XIRP2: variants seen among roughly 807,000 people sequenced by gnomAD.
The protein encoded by XIRP2 is xin actin binding repeat containing 2.
Under a neutral mutation model 277.0 loss-of-function variants are expected in XIRP2, and 236 were observed. The observed-to-expected ratio is 0.85, with a 90% confidence interval of 0.77 to 0.95. XIRP2 has a LOEUF of 0.95. XIRP2 is among the 40% of genes least tolerant of loss of function. XIRP2 has a pLI of 0.00. For missense variants in XIRP2, 4,640 were observed against 4,157.5 expected, an observed-to-expected ratio of 1.12 and a Z score of -3.19; for synonymous variants, 1,490 against 1,416.5, an observed-to-expected ratio of 1.05 and a Z score of -1.17.
chr2:167,241,346 T>C (rs924351559), intron 7 of XIRP2, among the ~76,000 whole-genome samples: 3 of 152,232 alleles, frequency 2.0e-5, no homozygotes, highest in Non-Finnish European at 4.4e-5. Context: ...ATTCCTTTTC[T>C]TGTTTTATAC....
chr2:166,984,629 A>C (rs1194038633), intron 2 of XIRP2, among the ~76,000 whole-genome samples: 3 of 152,236 alleles, frequency 2.0e-5, no homozygotes, highest in Non-Finnish European at 4.4e-5. Context: ...ATGTTTTAGA[A>C]GTGCTGTATC....
At chr2:166,975,880 G>A (rs1373941558) in intron 2 of XIRP2, among the ~76,000 whole-genome samples, 4 of 126,026 alleles carry the variant, frequency 3.2e-5, no homozygotes, top group South Asian at 2.7e-4. Flanking sequence ...GCAGTGAGCC[G>A]AGATCGTGCT....
At position 166,967,459 on chromosome 2, in the gene XIRP2, G is replaced by A. The variant is rs1261205598; in HGVS notation, c.408+63569G>A. On this transcript the variant is annotated intron_variant, in intron 2 of 10. Transcript: ENST00000409195. The stretch of plus-strand genomic sequence containing the variant: ...CCATATGTAAATAGATATTGATTCT[G>A]TTTGTCAGCACAAAGTTGTCTTGGG... 2.0e-5 allele frequency among the ~76,000 whole-genome samples: 3 copies of A among 151,920 alleles called. No homozygotes were observed. The East Asian group carries it at 5.8e-4, about 29-fold the overall frequency.
chr2:167,160,917 T>G (rs999828035), intron 3 of XIRP2, among the ~76,000 whole-genome samples: 5 of 152,174 alleles, frequency 3.3e-5, no homozygotes, highest in Admixed American at 6.5e-5. Context: ...AGCAAGTTAG[T>G]TACTTCCTAG....
chr2:167,230,702 G>A (rs1417583627), intron 5 of XIRP2, among the ~76,000 whole-genome samples: 1 of 152,016 alleles, frequency 6.6e-6, no homozygotes, highest in African/African-American at 2.4e-5. Context: ...AAATCAACAT[G>A]TAGAATGCTA....
At chr2:167,201,946 T>A (rs1450177915) in intron 3 of XIRP2, among the ~76,000 whole-genome samples, 2 of 152,214 alleles carry the variant, frequency 1.3e-5, no homozygotes, top group Non-Finnish European at 2.9e-5. Flanking sequence ...TATATGATAT[T>A]ATCTTCTGAG....
intron 2 of XIRP2, among the ~76,000 whole-genome samples, chr2:167,075,569 T>C (rs1689543370): frequency 6.6e-6 from 1 of 152,222 alleles, no homozygotes; most frequent in African/African-American, 2.4e-5. Flanking sequence ...ATTTCTTCTG[T>C]CCATTCTTTT....
Position 167,011,443 on chromosome 2 carries a change from G to A in XIRP2, c.408+107553G>A, listed in dbSNP as rs1369959029. 1.5e-4 allele frequency among the ~76,000 whole-genome samples: 23 copies of A among 150,720 alleles called. No homozygotes were observed. In the South Asian group the frequency reaches 4.7e-3, roughly 31 times the overall value. On this transcript the variant is annotated intron_variant, in intron 2 of 10. Coordinates refer to ENST00000409195, the MANE Select transcript of XIRP2 (RefSeq NM_152381.6). ...AAGCCCACTTGATCATGGTGGATAAGGTTTTTGATGTGCTGCTGGATTCGG... is the reference window on the plus strand; with the variant it reads ...AAGCCCACTTGATCATGGTGGATAAAGTTTTTGATGTGCTGCTGGATTCGG...
intron 2 of XIRP2, among the ~76,000 whole-genome samples, chr2:167,009,053 A>G (rs1687586768): frequency 6.6e-6 from 1 of 151,038 alleles, no homozygotes; most frequent in Admixed American, 6.6e-5. Context: ...ATATTTATTT[A>G]TTTATTATTT....
intron 3 of XIRP2, among the ~76,000 whole-genome samples, chr2:167,179,556 A>C (rs902686310): frequency 6.6e-6 from 1 of 151,652 alleles, no homozygotes; most frequent in African/African-American, 2.4e-5. Flanking sequence ...TCCTGACCTC[A>C]TGATCTGCCC....
intron 2 of XIRP2, among the ~76,000 whole-genome samples, chr2:167,111,552 A>G (rs1690755410): frequency 1.3e-5 from 2 of 152,066 alleles, no homozygotes; most frequent in Non-Finnish European, 2.9e-5. Flanking sequence ...TTAGCTTTTT[A>G]ATATGCTGCT....
chr2:167,069,687 G>C (rs1689391247), intron 2 of XIRP2, among the ~76,000 whole-genome samples: 1 of 152,100 alleles, frequency 6.6e-6, no homozygotes, highest in Admixed American at 6.6e-5. Flanking sequence ...TTCTCACTAA[G>C]CTTTAACCTA....
At chr2:167,192,874 G>T (rs1361028939) in intron 3 of XIRP2, among the ~76,000 whole-genome samples, 2 of 152,148 alleles carry the variant, frequency 1.3e-5, no homozygotes, top group African/African-American at 2.4e-5. Context: ...ATCTCAGTTT[G>T]CTCAGAGCGA....
intron 2 of XIRP2, among the ~76,000 whole-genome samples, chr2:167,006,547 A>G (rs1267400776): frequency 2.0e-5 from 3 of 151,810 alleles, no homozygotes; most frequent in Admixed American, 6.6e-5. Flanking sequence ...GCTGCACTGC[A>G]TGATATTACC....
intron 3 of XIRP2, among the ~76,000 whole-genome samples, chr2:167,154,044 A>G (rs1288679063): frequency 1.3e-5 from 2 of 149,380 alleles, no homozygotes; most frequent in Admixed American, 6.7e-5. Context: ...AAGTGTTCCT[A>G]TTTCTCCACA....
intron 3 of XIRP2, among the ~76,000 whole-genome samples, chr2:167,161,161 C>T (rs554197795): frequency 6.6e-6 from 1 of 152,320 alleles, no homozygotes; most frequent in Admixed American, 6.5e-5. Flanking sequence ...CAGGGTACAG[C>T]CTCCCTCCAA....
At chr2:167,113,950 A>G (rs930443927) in intron 2 of XIRP2, among the ~76,000 whole-genome samples, 1 of 152,180 alleles carries the variant, frequency 6.6e-6, no homozygotes, top group Non-Finnish European at 1.5e-5. Context: ...TTCTTTAAGA[A>G]TGCTGAATAT....
intron 5 of XIRP2, among the ~76,000 whole-genome samples, chr2:167,229,448 T>C (rs569229225): frequency 4.8e-4 from 73 of 152,264 alleles, no homozygotes; most frequent in African/African-American, 1.6e-3. Flanking sequence ...AGGAAAGATA[T>C]AACAACAAAA....
intron 2 of XIRP2, among the ~76,000 whole-genome samples, chr2:166,954,416 C>A (rs1156491903): frequency 6.6e-6 from 1 of 151,822 alleles, no homozygotes; most frequent in East Asian, 1.9e-4. Context: ...CGTCAAGAAA[C>A]AACAGATGCT....
Sources: allele counts gnomAD v4.1 joint callset (sites outside exome capture counted in the v4.1 genomes callset), GRCh38; gene constraint gnomAD v4.1.1; transcripts MANE v1.5; gene names NCBI Gene and HGNC (gene_info 2026-07-23, HGNC 2026-07-21).